STK38L: variants seen among roughly 807,000 people sequenced by gnomAD.
The protein encoded by STK38L is serine/threonine-protein kinase 38-like.
STK38L carries 28 observed loss-of-function variants against 59.7 expected under a neutral mutation model. The observed-to-expected ratio is 0.47, with a 90% CI of 0.35 to 0.64. The LOEUF (loss-of-function observed/expected upper bound fraction) is 0.64, where lower values mean the gene tolerates loss of function less well. STK38L is among the 30% of genes least tolerant of loss of function. The pLI is 0.01. For missense variants in STK38L, 314 were observed against 555.8 expected (o/e 0.56, Z 4.37); for synonymous variants, 162 against 176.8 (o/e 0.92, Z 0.66).
intron 5 of STK38L, among the ~76,000 whole-genome samples, chr12:27,310,913 T>A (rs1438630147): frequency 6.6e-6 from 1 of 152,226 alleles, no homozygotes; most frequent in East Asian, 1.9e-4. Context: ...CACTGGATTT[T>A]GTTTTAGAAA....
In STK38L at chr12:27,324,082, G is replaced by A. The variant is rs557960055; in HGVS notation, c.*1627G>A. The stretch of plus-strand genomic sequence containing the variant: ...ACAAGCTTTTATAAATGTTGCTGCT[G>A]GGTAGCTCCACAGTGTTTCATAAGG... On this transcript the variant is annotated 3_prime_UTR_variant, in exon 14 of 14. Coordinates refer to ENST00000389032, the MANE Select transcript of STK38L (RefSeq NM_015000.4). The A allele has an allele frequency of 6.6e-6, 1 of 152,166 alleles. No individual in the cohort carries two copies. Among genetic ancestry groups the A allele is most frequent in the African/African-American group, 2.4e-5 (1 of 41,552 alleles). The allele number at this position is 152,166 out of a possible 1,614,324, so 9.4% of individuals were successfully genotyped here. A position where few individuals can be genotyped will look rare whatever the true frequency, so the allele number is the denominator to read the frequency against.
At chr12:27,296,004 C>T (rs1944010750) in intron 1 of STK38L, among the ~76,000 whole-genome samples, 1 of 152,158 alleles carries the variant, frequency 6.6e-6, no homozygotes, top group Non-Finnish European at 1.5e-5. Context: ...TAAAAAGCAA[C>T]AGATAAGGAT....
chr12:27,270,511 G>A (rs954710105), intron 1 of STK38L, among the ~76,000 whole-genome samples: 3 of 152,140 alleles, frequency 2.0e-5, no homozygotes, highest in African/African-American at 4.8e-5. Flanking sequence ...CCGAGTAGCA[G>A]GGATTACAGG....
At chr12:27,300,600 G>T (rs1375748941) in intron 2 of STK38L, 4 of 455,968 alleles carry the variant, frequency 8.8e-6, no homozygotes, top group Non-Finnish European at 1.8e-5. Context: ...AAGTGCCTAG[G>T]GGTAGGTGAT....
intron 1 of STK38L, among the ~76,000 whole-genome samples, chr12:27,291,455 C>A (rs1943894035): frequency 6.6e-6 from 1 of 152,158 alleles, no homozygotes; most frequent in African/African-American, 2.4e-5. Flanking sequence ...TGATTTCTCC[C>A]TACTTTGTGT....
At chr12:27,304,278 AAAG>A (rs1944253919) in intron 3 of STK38L, among the ~76,000 whole-genome samples, 1 of 151,558 alleles carries the variant, frequency 6.6e-6, no homozygotes, top group Non-Finnish European at 1.5e-5. Context: ...AAAAAAAAAA[AAAG>A]AGTTTCTATA....
intron 3 of STK38L, among the ~76,000 whole-genome samples, chr12:27,306,755 A>G (rs567823877): frequency 6.6e-6 from 1 of 150,926 alleles, no homozygotes; most frequent in South Asian, 2.1e-4. Flanking sequence ...ACACACACAT[A>G]TATTTGAGAT....
At position 27,302,189 on chromosome 12, in the gene STK38L, G is replaced by T. The variant is rs1386427466; in HGVS notation, c.186+1G>T. 6.2e-7 allele frequency: 1 copy of T among 1,603,464 alleles called. No individual in the cohort carries two copies. The highest frequency in any genetic ancestry group is 1.7e-5 in the Admixed American group (1 of 58,712). ...AGAAGAAGGATTAGCAGATGAAGAG[G>T]TAATGTAATTACCTATAATTACTGT... On this transcript the variant is annotated splice_donor_variant, in intron 3 of 13. Transcript: ENST00000389032. LOFTEE classifies it high-confidence loss of function.
intron 1 of STK38L, among the ~76,000 whole-genome samples, chr12:27,249,548 G>T (rs1292322017): frequency 6.6e-6 from 1 of 152,152 alleles, no homozygotes; most frequent in African/African-American, 2.4e-5. Context: ...ATGTTGGTCA[G>T]GCTGGTCTCG....
At chr12:27,290,346 G>A (rs959245713) in intron 1 of STK38L, among the ~76,000 whole-genome samples, 1 of 152,170 alleles carries the variant, frequency 6.6e-6, no homozygotes, top group African/African-American at 2.4e-5. Context: ...TTCATCCTGT[G>A]CTCTGCCACC....
chr12:27,316,144 C>T (rs1944580414), intron 9 of STK38L, among the ~76,000 whole-genome samples: 1 of 152,140 alleles, frequency 6.6e-6, no homozygotes, highest in South Asian at 2.1e-4. Context: ...TAGGCTAATA[C>T]CCTCTAAAAC....
Position 27,317,459 on chromosome 12 carries a change from T to C in STK38L, c.955+6T>C. On this transcript the variant is annotated splice_donor_region_variant and intron_variant, in intron 10 of 13. Coordinates refer to ENST00000389032, the MANE Select transcript of STK38L (RefSeq NM_015000.4). The stretch of plus-strand genomic sequence containing the variant: ...TATGTATGAAATGCTAATAGGTATG[T>C]TTTATCATTCATTTATGTACAAAAT... 2 of 1,578,814 alleles carry C rather than the reference T, an allele frequency of 1.3e-6. No homozygotes were observed. Among genetic ancestry groups the C allele is most frequent in the Non-Finnish European group, 8.7e-7 (1 of 1,154,668 alleles).
intron 1 of STK38L, among the ~76,000 whole-genome samples, chr12:27,287,099 C>T (rs1943789392): frequency 6.7e-6 from 1 of 148,848 alleles, no homozygotes; most frequent in Non-Finnish European, 1.5e-5. Context: ...CTTTTAGATA[C>T]ACTTTTTTTT....
chr12:27,314,551 G>A lies in STK38L; in HGVS notation c.565G>A (p.Glu189Lys). 1 of 1,602,586 alleles carries A rather than the reference G, an allele frequency of 6.2e-7. No individual in the cohort carries two copies. Among genetic ancestry groups the A allele is most frequent in the Non-Finnish European group, 8.5e-7 (1 of 1,174,412 alleles). The stretch of plus-strand genomic sequence containing the variant: ...GAAGAAAGACACCTTGACAGAAGAG[G>A]AAACACAGTTCTACATTTCAGAGAC... ...LMKKDTLTEE[E>K]TQFYISETVL... The change falls in exon 7 of 14, where the codon GAA (glutamate) becomes AAA (lysine). Residue 189 changes from glutamate (E) to lysine (K), a missense_variant. Glu to Lys is a moderately conservative substitution (Grantham distance 56). Coordinates refer to ENST00000389032, the MANE Select transcript of STK38L (RefSeq NM_015000.4).
At chr12:27,259,715 C>A (rs1943165814) in intron 1 of STK38L, among the ~76,000 whole-genome samples, 1 of 152,094 alleles carries the variant, frequency 6.6e-6, no homozygotes, top group Non-Finnish European at 1.5e-5. Flanking sequence ...TTGTGTATAC[C>A]AGGCCTTTTG....
chr12:27,288,237 T>C (rs915530777), intron 1 of STK38L, among the ~76,000 whole-genome samples: 8 of 152,186 alleles, frequency 5.3e-5, no homozygotes, highest in Admixed American at 6.5e-5. Context: ...CTTGCTACTT[T>C]TGTGAACAGG....
Position 27,314,670 on chromosome 12 carries a change from A to C in STK38L, c.672+12A>C, listed in dbSNP as rs1944541743. ...TATTGGATGCCAAGGCATGTGAATA[A>C]ACTGGTGAATTACTAGGCTGTTGAT... On this transcript the variant is annotated intron_variant, in intron 7 of 13. Transcript: ENST00000389032. 7.0e-6 allele frequency: 11 copies of C among 1,582,332 alleles called. No homozygotes were observed. The highest frequency in any genetic ancestry group is 9.4e-6 in the Non-Finnish European group (11 of 1,166,562).
rs1944544057 is a variant in STK38L, at chr12:27,314,743, T to C, written c.672+85T>C. ...GATTTTGTGAATGGAAATCAGCAAC[T>C]GCAATTTAGAATATTGCTAAACAAC... On this transcript the variant is annotated intron_variant, in intron 7 of 13. Coordinates refer to ENST00000389032, the MANE Select transcript of STK38L (RefSeq NM_015000.4). The C allele has an allele frequency of 2.8e-6, 4 of 1,415,150 alleles. No individual in the cohort carries two copies. The South Asian group carries it at 4.4e-5, about 15-fold the overall frequency. 87.7% of individuals were successfully genotyped at this position (1,415,150 alleles called of 1,614,324 possible).
At position 27,265,315 on chromosome 12, in the gene STK38L, T is replaced by G. The variant is rs550068359; in HGVS notation, c.-12+20983T>G. ...GATCGTGCACTATATATAGCTTGCT[T>G]CTTTTTCCATCATGATAATTTTCCC... On this transcript the variant is annotated intron_variant, in intron 1 of 13. Transcript: ENST00000389032. Among the ~76,000 whole-genome samples, 148 of 152,286 alleles carry G rather than the reference T, an allele frequency of 9.7e-4. 1 individual carries two copies. The highest frequency in any genetic ancestry group is 3.3e-3 in the African/African-American group (138 of 41,560).
Sources: gnomAD v4.1 joint callset for allele counts (sites outside exome capture counted in the v4.1 genomes callset) on GRCh38, gnomAD v4.1.1 for gene constraint, MANE v1.5 for transcripts, NCBI Gene and HGNC (gene_info 2026-07-23, HGNC 2026-07-21) for gene names.